Variants in ZC3H7A observed in about 807,000 individuals in gnomAD.
ZC3H7A encodes zinc finger CCCH domain-containing protein 7A.
Under a neutral mutation model 125.5 loss-of-function variants are expected in ZC3H7A, and 44 were observed. That is an observed-to-expected ratio of 0.35 (90% CI 0.28 to 0.45). The LOEUF (loss-of-function observed/expected upper bound fraction) is 0.45. Ranked by LOEUF, ZC3H7A falls within the 20% of genes least tolerant of loss-of-function variation. The pLI is 1.00. For missense variants in ZC3H7A, 977 were observed against 1,170.7 expected (o/e 0.83, Z 2.41); for synonymous variants, 399 against 391.2 (o/e 1.02, Z -0.23).
In ZC3H7A at chr16:11,779,255, C is replaced by T. The variant is rs1161453957; in HGVS notation, c.217G>A (p.Ala73Thr). ...ISQYTEALNI[A>T]DYAKSEEILI... is the part of the protein sequence containing the mutation. ...ATTTCTTCAGATTTTGCATAATCAGCTATATTCAAGGCTTCCGTGTACTGG... is the reference window on the plus strand; with the variant it reads ...ATTTCTTCAGATTTTGCATAATCAGTTATATTCAAGGCTTCCGTGTACTGG... Residue 73 changes from alanine (A) to threonine (T), a missense_variant, in exon 4 of 23, where the codon GCT (alanine) becomes ACT (threonine). By Grantham distance (58) the Ala-to-Thr change is moderately conservative. Around this residue, in one of 3 missense-constraint regions of ZC3H7A, gnomAD observed 199 missense variants for 256.1 expected, o/e 0.78. Coordinates refer to ENST00000355758, the MANE Select transcript of ZC3H7A (RefSeq NM_014153.4). 6.2e-7 allele frequency: 1 copy of T among 1,613,656 alleles called. No individual in the cohort carries two copies. The highest frequency in any genetic ancestry group is 8.5e-7 in the Non-Finnish European group (1 of 1,179,864).
At chr16:11,775,064 A>G (rs2053056516) in intron 7 of ZC3H7A, 51 bp from the exon 8 acceptor site, 3 of 1,601,972 alleles carry the variant, frequency 1.9e-6, no homozygotes, top group Non-Finnish European at 2.6e-6. Context: ...ACTCTAAGCC[A>G]TAAAACAATC....
intron 1 of ZC3H7A, among the ~76,000 whole-genome samples, chr16:11,792,277 T>C (rs2053367601): frequency 6.6e-6 from 1 of 152,238 alleles, no homozygotes; most frequent in Admixed American, 6.5e-5. Flanking sequence ...TTAAATTAAC[T>C]GAACTCTTAC....
intron 7 of ZC3H7A, 149 bp from the exon 8 acceptor site, chr16:11,775,162 G>A: frequency 4.1e-6 from 3 of 739,402 alleles, no homozygotes; most frequent in Non-Finnish European, 6.7e-6. Context: ...CACGAGGTCA[G>A]GAGTTTGAGA....
At chr16:11,755,284 G>C (rs899193612) in intron 21 of ZC3H7A, among the ~76,000 whole-genome samples, 1 of 151,554 alleles carries the variant, frequency 6.6e-6, no homozygotes, top group Non-Finnish European at 1.5e-5. Flanking sequence ...CACTGGATCT[G>C]TTCCCCTGGG....
At chr16:11,792,895 C>T (rs903333617) in intron 1 of ZC3H7A, among the ~76,000 whole-genome samples, 2 of 152,142 alleles carry the variant, frequency 1.3e-5, no homozygotes, top group African/African-American at 4.8e-5. Context: ...AACAGGTGGG[C>T]ACTTTAAAGC....
intron 3 of ZC3H7A, among the ~76,000 whole-genome samples, 166 bp downstream of exon 3, chr16:11,781,259 G>C (rs1407130578): frequency 1.3e-5 from 2 of 151,998 alleles, no homozygotes; most frequent in Non-Finnish European, 2.9e-5. Context: ...GTGTGGCTGT[G>C]TTCCAATAAA....
chr16:11,791,628 A>G (rs1178484190), intron 1 of ZC3H7A, among the ~76,000 whole-genome samples: 1 of 152,250 alleles, frequency 6.6e-6, no homozygotes, highest in East Asian at 1.9e-4. Context: ...TCAGAGGCCC[A>G]GGAGATAGAA....
In ZC3H7A at chr16:11,771,657, C is replaced by A. The variant is rs375168939; in HGVS notation, c.904-670G>T. On this transcript the variant is annotated intron_variant, in intron 9 of 22. Coordinates refer to ENST00000355758, the MANE Select transcript of ZC3H7A (RefSeq NM_014153.4). The stretch of plus-strand genomic sequence containing the variant: ...CTGGGATTACAGGCATGCGCCACCT[C>A]GCCCAGCTAATTTTTGTATTTTTAG... Among the ~76,000 whole-genome samples the A allele has an allele frequency of 7.2e-4, 109 of 151,728 alleles. 1 individual carries two copies. The highest frequency in any genetic ancestry group is 2.2e-3 in the African/African-American group (92 of 41,452).
intron 9 of ZC3H7A, 147 bp from the exon 10 acceptor site, chr16:11,771,134 T>C (rs2141189751): frequency 1.2e-6 from 1 of 815,350 alleles, no homozygotes; most frequent in East Asian, 2.7e-5. Context: ...TGGCCTGTAA[T>C]CCTAACACTT....
intron 1 of ZC3H7A, among the ~76,000 whole-genome samples, chr16:11,784,449 T>A (rs1223323770): frequency 6.6e-6 from 1 of 152,226 alleles, no homozygotes; most frequent in Non-Finnish European, 1.5e-5. Flanking sequence ...CCACTCATGG[T>A]AGCTCACACC....
At chr16:11,758,870 C>T (rs1245166582) in intron 19 of ZC3H7A, 1 of 260,324 alleles carries the variant, frequency 3.8e-6, no homozygotes. Context: ...TCTGACAGCT[C>T]CTGTTTCCCT....
rs565603751 is a variant in ZC3H7A, at chr16:11,753,484, C to G, written c.2563-652G>C. Among the ~76,000 whole-genome samples, 11 of 152,190 alleles carry G rather than the reference C, an allele frequency of 7.2e-5. No homozygotes were observed. The South Asian group carries it at 2.3e-3, about 32-fold the overall frequency. On this transcript the variant is annotated intron_variant, in intron 21 of 22. Transcript: ENST00000355758. ...TTAGAGACATGGTCTCGCTGTCATC[C>G]AGGCTAGAGTATGGTGGTGCGATCA...
chr16:11,751,636 A>AGAAT, intron 22 of ZC3H7A, 130 bp from the exon 23 acceptor site: 1 of 872,214 alleles, frequency 1.1e-6, no homozygotes, highest in Non-Finnish European at 1.7e-6. Context: ...TCTCAAGCCT[A>AGAAT]GAATGGTAAA....
chr16:11,767,382 G>A, intron 13 of ZC3H7A, 35 bp downstream of exon 13: 1 of 1,421,090 alleles, frequency 7.0e-7, no homozygotes, highest in Non-Finnish European at 9.6e-7. Flanking sequence ...CATCACTTAT[G>A]TAATGTATAC....
At chr16:11,785,589 A>G (rs2053245196) in intron 1 of ZC3H7A, among the ~76,000 whole-genome samples, 1 of 151,420 alleles carries the variant, frequency 6.6e-6, no homozygotes. Context: ...AAAAAAAAAG[A>G]TGAGGCATTT....
intron 17 of ZC3H7A, 36 bp downstream of exon 17, chr16:11,762,635 G>A (rs2141171202): frequency 1.3e-6 from 2 of 1,598,504 alleles, no homozygotes; most frequent in East Asian, 2.2e-5. Context: ...TTCCAGAAAG[G>A]ACACCAAATG....
chr16:11,781,081 C>CA (rs1456710678), intron 3 of ZC3H7A, among the ~76,000 whole-genome samples: 1 of 149,236 alleles, frequency 6.7e-6, no homozygotes, highest in Non-Finnish European at 1.5e-5. Context: ...TGCAAGTATG[C>CA]AAAAAAAGAA....
intron 13 of ZC3H7A, among the ~76,000 whole-genome samples, chr16:11,767,129 G>A (rs930471025): frequency 1.1e-4 from 16 of 152,134 alleles, no homozygotes; most frequent in African/African-American, 3.9e-4. Flanking sequence ...GATTAATACT[G>A]TGTTTTTCCT....
chr16:11,779,223 G>A lies in ZC3H7A; in HGVS notation c.249C>T (p.Ile83=). The change falls in exon 4 of 23, where the codon ATC becomes ATT. Residue 83 remains isoleucine (I), a synonymous_variant. Transcript: ENST00000355758. ...ATAGTTTTTCAATTATTTCTTTGGG[G>A]ATTAAAATTTCTTCAGATTTTGCAT... The part of the protein sequence containing the change: ...ADYAKSEEIL[I]PKEIIEKLYI... 6.2e-7 allele frequency: 1 copy of A among 1,611,110 alleles called. No homozygotes were observed. The highest frequency in any genetic ancestry group is 1.1e-5 in the South Asian group (1 of 90,878).
Sources: gnomAD v4.1 joint callset for allele counts (sites outside exome capture counted in the v4.1 genomes callset) on GRCh38, gnomAD v4.1.1 for gene constraint, gnomAD v4.1.1 regional missense constraint, MANE v1.5 for transcripts, NCBI Gene and HGNC (gene_info 2026-07-23, HGNC 2026-07-21) for gene names.